The following DNAH7 variants were observed in gnomAD, a reference collection of about 807,000 sequenced individuals.
DNAH7 encodes the protein axonemal beta dynein heavy chain 7.
Under a neutral mutation model 444.6 loss-of-function variants are expected in DNAH7, and 397 were observed. The ratio of observed to expected loss-of-function variants is 0.89; its 90% CI spans 0.82 to 0.97. DNAH7 has a LOEUF of 0.97. Among genes scored for constraint, DNAH7 ranks in the 50% least tolerant of loss-of-function variants. The pLI is 0.00. For missense variants in DNAH7, 4,902 were observed against 4,800.8 expected (o/e 1.02, Z -0.62); for synonymous variants, 1,636 against 1,624.4 (o/e 1.01, Z -0.17).
At chr2:195,952,143 C>T (rs1273535170) in intron 19 of DNAH7, among the ~76,000 whole-genome samples, 2 of 152,252 alleles carry the variant, frequency 1.3e-5, no homozygotes, top group East Asian at 3.9e-4. Flanking sequence ...CAAAATCTCT[C>T]AGGATTTGTT....
At chr2:195,738,921 T>G (rs1027182711) in intron 64 of DNAH7, among the ~76,000 whole-genome samples, 2 of 152,204 alleles carry the variant, frequency 1.3e-5, no homozygotes, top group Non-Finnish European at 2.9e-5. Flanking sequence ...GGATGCCAGT[T>G]TCTCTATTTC....
chr2:195,901,238 T>C (rs543325525), intron 27 of DNAH7: 15 of 152,262 alleles, frequency 9.9e-5, no homozygotes, highest in African/African-American at 3.4e-4. Context: ...ACGATGTATA[T>C]GTATATCAAA....
intron 47 of DNAH7, among the ~76,000 whole-genome samples, chr2:195,841,270 C>T (rs1273561931): frequency 3.3e-5 from 5 of 151,506 alleles, no homozygotes; most frequent in Non-Finnish European, 1.5e-5. Context: ...CCCTCACCCC[C>T]AACCCTCTTT....
chr2:195,785,485 G>C (rs1695574405), intron 58 of DNAH7, among the ~76,000 whole-genome samples: 2 of 151,374 alleles, frequency 1.3e-5, no homozygotes, highest in Non-Finnish European at 2.9e-5. Context: ...TGGTGGGAAA[G>C]CTTCTAGTTT....
intron 12 of DNAH7, among the ~76,000 whole-genome samples, chr2:195,992,684 CA>C (rs1305576426): frequency 1.3e-5 from 2 of 152,074 alleles, no homozygotes; most frequent in Non-Finnish European, 2.9e-5. Flanking sequence ...CCTTAGTATC[CA>C]AAAAATGGAT....
intron 31 of DNAH7, among the ~76,000 whole-genome samples, chr2:195,891,378 A>C (rs1223342168): frequency 6.6e-6 from 1 of 151,950 alleles, no homozygotes; most frequent in African/African-American, 2.4e-5. Context: ...AGTTCATCTC[A>C]CTTCGGAGAA....
chr2:195,776,810 ACCTT>A (rs1695086684), intron 59 of DNAH7, among the ~76,000 whole-genome samples: 2 of 152,320 alleles, frequency 1.3e-5, no homozygotes, highest in South Asian at 4.1e-4. Flanking sequence ...AAAATTTCAT[ACCTT>A]CCTTGATGCT....
chr2:196,017,556 A>G (rs940601433), intron 9 of DNAH7, among the ~76,000 whole-genome samples: 1 of 152,070 alleles, frequency 6.6e-6, no homozygotes, highest in African/African-American at 2.4e-5. Flanking sequence ...CCCTAATCAA[A>G]TTAATCTGTA....
intron 47 of DNAH7, 99 bp downstream of exon 47, chr2:195,844,903 T>C (rs1698896399): frequency 9.7e-7 from 1 of 1,028,392 alleles, no homozygotes. Flanking sequence ...AGTAATTTTT[T>C]AATACTGTAA....
Position 195,756,133 on chromosome 2 carries a change from C to G in DNAH7, c.11586G>C (p.Gln3862His), listed in dbSNP as rs780454712. ...NDFLARLKFL[Q>H]QWYEVGPPPV... The stretch of plus-strand genomic sequence containing the variant: ...TATACGATCATTTAGACGAACTTAC[C>G]TGCAAGAATTTTAGTCTTGCAAGGA... The change falls in exon 62 of 65, where the codon CAG becomes CAC. Residue 3862 changes from glutamine (Q) to histidine (H), a missense_variant and splice_region_variant. Transcript: ENST00000312428. The G allele has an allele frequency of 1.3e-6, 2 of 1,593,542 alleles. No individual in the cohort carries two copies. The highest frequency in any genetic ancestry group is 1.8e-5 in the Admixed American group (1 of 56,938).
At chr2:195,956,827 C>T (rs1690697363) in intron 19 of DNAH7, among the ~76,000 whole-genome samples, 1 of 151,722 alleles carries the variant, frequency 6.6e-6, no homozygotes, top group African/African-American at 2.4e-5. Context: ...ATATATTTAT[C>T]CTTGCAACTC....
chr2:196,056,432 A>AAG (rs1230147051), intron 2 of DNAH7, among the ~76,000 whole-genome samples: 1 of 151,634 alleles, frequency 6.6e-6, no homozygotes, highest in East Asian at 2.0e-4. Flanking sequence ...AAAAAAAAAA[A>AAG]AAAGAAAAAA....
chr2:195,898,971 T>C (rs1157633934), intron 28 of DNAH7, among the ~76,000 whole-genome samples: 1 of 152,198 alleles, frequency 6.6e-6, no homozygotes. Context: ...ACCATGCATA[T>C]AATTTTCCAG....
At chr2:196,052,226 T>C (rs948840792) in intron 2 of DNAH7, among the ~76,000 whole-genome samples, 1 of 152,126 alleles carries the variant, frequency 6.6e-6, no homozygotes, top group Non-Finnish European at 1.5e-5. Context: ...ATCTAAGGCT[T>C]TGGGGAAGGG....
intron 5 of DNAH7, 100 bp from the exon 6 acceptor site, chr2:196,028,147 T>G (rs1367034141): frequency 2.2e-6 from 2 of 923,958 alleles, no homozygotes; most frequent in Non-Finnish European, 3.2e-6. Flanking sequence ...TATTAAATCA[T>G]AAGGAAAAAT....
chr2:196,009,258 CT>C (rs1368666192), intron 10 of DNAH7, among the ~76,000 whole-genome samples: 2 of 152,102 alleles, frequency 1.3e-5, no homozygotes, highest in African/African-American at 4.8e-5. Flanking sequence ...TGAAAATGTT[CT>C]GGAACTAATG....
intron 54 of DNAH7, 115 bp from the exon 55 acceptor site, chr2:195,799,587 A>G: frequency 1.2e-6 from 1 of 859,864 alleles, no homozygotes; most frequent in Non-Finnish European, 1.6e-6. Context: ...TAGTTTAGGT[A>G]TTCATTAATG....
chr2:196,041,128 C>T (rs1559361402), intron 5 of DNAH7, among the ~76,000 whole-genome samples: 2 of 151,842 alleles, frequency 1.3e-5, no homozygotes, highest in South Asian at 4.1e-4. Flanking sequence ...CCATACTGCC[C>T]AAAGCAATCT....
At chr2:195,889,326 CT>C (rs938084600) in intron 31 of DNAH7, among the ~76,000 whole-genome samples, 18 of 124,688 alleles carry the variant, frequency 1.4e-4, no homozygotes, top group African/African-American at 3.8e-4. Context: ...TCTTTCTTTT[CT>C]TTTTTTTTCA....
Sources: allele counts gnomAD v4.1 joint callset (sites outside exome capture counted in the v4.1 genomes callset), GRCh38; gene constraint gnomAD v4.1.1; transcripts MANE v1.5; gene names NCBI Gene and HGNC (gene_info 2026-07-23, HGNC 2026-07-21).